DRICH1: variants seen among roughly 807,000 people sequenced by gnomAD.
DRICH1 encodes aspartate-rich protein 1.
DRICH1 carries 38 observed loss-of-function variants against 39.5 expected under a neutral mutation model. The ratio of observed to expected loss-of-function variants is 0.96; its 90% CI spans 0.74 to 1.26. The LOEUF (loss-of-function observed/expected upper bound fraction) is 1.26, where lower values mean the gene tolerates loss of function less well. Ranked by LOEUF, DRICH1 falls within the 50% of genes most tolerant of loss-of-function variation. The pLI is 0.00. For missense variants in DRICH1, 279 were observed against 270.4 expected, an observed-to-expected ratio of 1.03 and a Z score of -0.22; for synonymous variants, 84 against 99.5, an observed-to-expected ratio of 0.84 and a Z score of 0.93.
At chr22:23,622,228 T>C (rs1569093727) in intron 3 of DRICH1, 52 bp from the exon 4 acceptor site, 1 of 1,537,248 alleles carries the variant, frequency 6.5e-7, no homozygotes, top group Non-Finnish European at 9.0e-7. Context: ...TGACTGTGAG[T>C]CACTCAGGGA....
the DRICH1 span, among the ~76,000 whole-genome samples, chr22:23,591,114 A>G: frequency 6.6e-6 from 1 of 152,210 alleles, no homozygotes; most frequent in Non-Finnish European, 1.5e-5. Context: ...ATGTGTAAGA[A>G]TCTGGGAGCA....
intron 4 of DRICH1, among the ~76,000 whole-genome samples, chr22:23,621,835 G>A (rs905219842): frequency 1.3e-5 from 2 of 152,072 alleles, no homozygotes; most frequent in Non-Finnish European, 2.9e-5. Flanking sequence ...AATTCATTGA[G>A]CCCAGGAGAT....
chr22:23,605,628 A>ATTCCCG (rs1926684399), downstream of DRICH1, among the ~76,000 whole-genome samples: 4 of 148,982 alleles, frequency 2.7e-5, no homozygotes, highest in African/African-American at 4.9e-5. Flanking sequence ...CTCCATTCCC[A>ATTCCCG]CCCCTGCCTC....
At chr22:23,593,945 T>G in the DRICH1 span, among the ~76,000 whole-genome samples, 3 of 140,208 alleles carry the variant, frequency 2.1e-5, no homozygotes, top group African/African-American at 8.1e-5. Context: ...ACCACTGCAC[T>G]CCAGCCTGGG....
the DRICH1 span, among the ~76,000 whole-genome samples, chr22:23,593,977 CAA>C: frequency 4.9e-4 from 44 of 89,032 alleles, no homozygotes; most frequent in Admixed American, 6.0e-4. Flanking sequence ...GACTCTGTCT[CAA>C]AAAAAAAAAA....
chr22:23,616,526 C>A (rs1214344414), intron 8 of DRICH1, among the ~76,000 whole-genome samples: 1 of 152,140 alleles, frequency 6.6e-6, no homozygotes, highest in Non-Finnish European at 1.5e-5. Context: ...CACTTGAAAT[C>A]TTTTTACCTA....
At chr22:23,626,549 C>G (rs1356230558) in intron 1 of DRICH1, among the ~76,000 whole-genome samples, 1 of 152,206 alleles carries the variant, frequency 6.6e-6, no homozygotes, top group Non-Finnish European at 1.5e-5. Flanking sequence ...CCCCAGAGAT[C>G]CTCCTAGAGT....
At chr22:23,631,019 C>G (rs139954304) in intron 1 of DRICH1, 2 of 152,264 alleles carry the variant, frequency 1.3e-5, no homozygotes, top group South Asian at 4.1e-4. Context: ...GCATGCAGGG[C>G]TTCATACCTA....
the DRICH1 span, among the ~76,000 whole-genome samples, chr22:23,595,142 C>A: frequency 7.0e-6 from 1 of 143,280 alleles, no homozygotes; most frequent in Non-Finnish European, 1.6e-5. Flanking sequence ...GAAGGGTTGG[C>A]AGTTTCATAA....
In DRICH1 at chr22:23,624,097, C is replaced by T. The variant is rs533819122; in HGVS notation, c.298+786G>A. On this transcript the variant is annotated intron_variant, in intron 3 of 11. Coordinates refer to ENST00000317749, the MANE Select transcript of DRICH1 (RefSeq NM_016449.4). Reference sequence around the variant, plus strand: ...CTGTCCTCCACACTCAGGGAGATGTCTTGATACCAGAGGTAAACAGCAAGC... The same window carrying T: ...CTGTCCTCCACACTCAGGGAGATGTTTTGATACCAGAGGTAAACAGCAAGC... 2.6e-4 allele frequency: 259 copies of T among 985,256 alleles called. 2 individuals are homozygous for T. In the South Asian group the frequency reaches 0.01, roughly 40 times the overall value. 61.0% of individuals were successfully genotyped at this position (985,256 alleles called of 1,614,324 possible).
Position 23,610,817 on chromosome 22 carries a change from C to CTTT in DRICH1, c.686-2052_686-2050dup, listed in dbSNP as rs564389276. 1.9e-4 allele frequency among the ~76,000 whole-genome samples: 27 copies of CTTT among 143,132 alleles called. No homozygotes were observed. In the South Asian group the frequency reaches 5.9e-3, roughly 31 times the overall value. The allele number at this position is 143,132 out of a possible 152,430, so 93.9% of individuals were successfully genotyped here. A position where few individuals can be genotyped will look rare whatever the true frequency, so the allele number is the denominator to read the frequency against. ...TTTCCTATCACTGTCTAAAAGCACT[C>CTTT]TTTTTTTTTTTTACATAGTAAGACC... On this transcript the variant is annotated intron_variant, in intron 11 of 11. Transcript: ENST00000317749.
the DRICH1 span, among the ~76,000 whole-genome samples, chr22:23,599,111 C>T: frequency 6.6e-6 from 1 of 152,224 alleles, no homozygotes; most frequent in African/African-American, 2.4e-5. Flanking sequence ...ACAATAAGGC[C>T]ACTCAATAGC....
At chr22:23,596,170 C>G in the DRICH1 span, among the ~76,000 whole-genome samples, 1 of 152,196 alleles carries the variant, frequency 6.6e-6, no homozygotes, top group Non-Finnish European at 1.5e-5. Flanking sequence ...TCTGTCTCTT[C>G]TGAGAGTCTG....
At chr22:23,621,851 C>T (rs764812374) in intron 4 of DRICH1, among the ~76,000 whole-genome samples, 67 of 151,842 alleles carry the variant, frequency 4.4e-4, no homozygotes, top group Admixed American at 2.2e-3. Flanking sequence ...GAGATGGAGC[C>T]GAGATTGCAC....
rs1927368700 is a variant in DRICH1 at position 23,616,707 on chromosome 22, C to T, written c.541+146G>A. On this transcript the variant is annotated intron_variant, in intron 8 of 11. Transcript: ENST00000317749. ...TCTGGGTTCACACACATTTCTACAGCCCCTCTTCTCATAGCTATACACTTG... is the reference window on the plus strand; with the variant it reads ...TCTGGGTTCACACACATTTCTACAGTCCCTCTTCTCATAGCTATACACTTG... The T allele has an allele frequency of 6.3e-6, 7 of 1,105,014 alleles. No homozygotes were observed. In the Admixed American group the frequency reaches 1.4e-4, roughly 22 times the overall value. The allele number at this position is 1,105,014 out of a possible 1,614,324, so 68.5% of individuals were successfully genotyped here. A position where few individuals can be genotyped will look rare whatever the true frequency, so the allele number is the denominator to read the frequency against.
chr22:23,600,997 A>G, the DRICH1 span, among the ~76,000 whole-genome samples: 1 of 152,200 alleles, frequency 6.6e-6, no homozygotes, highest in Non-Finnish European at 1.5e-5. Flanking sequence ...ACATACGCTT[A>G]TGCATATCAA....
At chr22:23,598,207 T>C in the DRICH1 span, among the ~76,000 whole-genome samples, 1 of 146,226 alleles carries the variant, frequency 6.8e-6, no homozygotes, top group Non-Finnish European at 1.5e-5. Context: ...GAATGGCTGG[T>C]CCTCAGGTCC....
At chr22:23,592,969 T>A in the DRICH1 span, among the ~76,000 whole-genome samples, 3 of 149,804 alleles carry the variant, frequency 2.0e-5, no homozygotes, top group South Asian at 4.2e-4. Context: ...GAGGTGGAGG[T>A]TGCAGTGAGC....
At chr22:23,630,262 G>C (rs1928313227) in intron 1 of DRICH1, among the ~76,000 whole-genome samples, 1 of 152,228 alleles carries the variant, frequency 6.6e-6, no homozygotes, top group African/African-American at 2.4e-5. Context: ...GGCACGCATA[G>C]GTGCTGGAAC....
Sources: allele counts gnomAD v4.1 joint callset (sites outside exome capture counted in the v4.1 genomes callset), GRCh38; gene constraint gnomAD v4.1.1; transcripts MANE v1.5; gene names NCBI Gene and HGNC (gene_info 2026-07-23, HGNC 2026-07-21).